DPP10: variants seen among roughly 807,000 people sequenced by gnomAD.
DPP10 encodes dipeptidyl peptidase like 10.
Under a neutral mutation model 120.9 loss-of-function variants are expected in DPP10, and 33 were observed. That is an observed-to-expected ratio of 0.27 (90% CI 0.21 to 0.37). DPP10 has a LOEUF of 0.37. Among genes scored for constraint, DPP10 ranks in the 10% least tolerant of loss-of-function variants. The pLI is 1.00. For synonymous variants in DPP10, 337 were observed against 326.1 expected, an observed-to-expected ratio of 1.03 and a Z score of -0.36; for missense variants, 816 against 942.8, an observed-to-expected ratio of 0.87 and a Z score of 1.76.
rs147725614 is a variant in DPP10, at chr2:114,968,031, C to G, written c.61-341208C>G. ...CTTACTGCATATAACATACAAAAATCTCTGTCCATACAGCCACCCAAGGGA... is the reference window on the plus strand; with the variant it reads ...CTTACTGCATATAACATACAAAAATGTCTGTCCATACAGCCACCCAAGGGA... On this transcript the variant is annotated intron_variant, in intron 1 of 25. Transcript: ENST00000410059. Among the ~76,000 whole-genome samples the G allele has an allele frequency of 3.9e-5, 6 of 152,302 alleles. No individual in the cohort carries two copies. In the East Asian group the frequency reaches 1.2e-3, roughly 29 times the overall value.
At chr2:115,053,655 T>C (rs1447439329) in intron 1 of DPP10, among the ~76,000 whole-genome samples, 1 of 152,226 alleles carries the variant, frequency 6.6e-6, no homozygotes. Flanking sequence ...AAATTTCCAA[T>C]ACAAGTTTTC....
At chr2:115,604,037 G>T (rs2083534277) in intron 5 of DPP10, among the ~76,000 whole-genome samples, 1 of 151,430 alleles carries the variant, frequency 6.6e-6, no homozygotes. Flanking sequence ...GAAGAAAAAT[G>T]ATAGGGATAT....
At chr2:114,847,166 GCCT>G (rs1407364061) in intron 1 of DPP10, among the ~76,000 whole-genome samples, 2 of 152,036 alleles carry the variant, frequency 1.3e-5, no homozygotes, top group Admixed American at 6.6e-5. Context: ...GAGCCACATT[GCCT>G]GGGTCAGTAT....
chr2:115,390,563 T>C (rs1192906640), intron 3 of DPP10, among the ~76,000 whole-genome samples: 2 of 152,166 alleles, frequency 1.3e-5, no homozygotes, highest in Non-Finnish European at 2.9e-5. Flanking sequence ...TAAATGATTT[T>C]TATTTTTCTA....
chr2:114,498,506 T>C (rs1307285431), intron 1 of DPP10, among the ~76,000 whole-genome samples: 1 of 152,132 alleles, frequency 6.6e-6, no homozygotes, highest in Non-Finnish European at 1.5e-5. Context: ...ACGTAATTTA[T>C]AGAGAAAAGA....
At position 115,178,299 on chromosome 2, in the gene DPP10, A is replaced by G. The variant is rs909228947; in HGVS notation, c.61-130940A>G. On this transcript the variant is annotated intron_variant, in intron 1 of 25. Transcript: ENST00000410059. ...ACTGTCTACCGGAGTAGACAAGGGC[A>G]TGGACTCTAGGGGCAGACAATCCAG... 4.6e-5 allele frequency among the ~76,000 whole-genome samples: 7 copies of G among 152,180 alleles called. No homozygotes were observed. The East Asian group carries it at 1.3e-3, about 29-fold the overall frequency.
At chr2:115,385,108 C>T (rs1378863837) in intron 3 of DPP10, among the ~76,000 whole-genome samples, 1 of 152,210 alleles carries the variant, frequency 6.6e-6, no homozygotes, top group African/African-American at 2.4e-5. Context: ...AATTAAACCT[C>T]TTGTTCTCCC....
At chr2:115,257,125 A>G (rs68044608) in intron 1 of DPP10, among the ~76,000 whole-genome samples, 28,725 of 152,048 alleles carry the variant, frequency 0.19, 3,031 homozygotes, top group East Asian at 0.36. Flanking sequence ...CCATTTAACC[A>G]GTCTCTAAGA....
At chr2:115,065,015 C>T (rs1174305132) in intron 1 of DPP10, among the ~76,000 whole-genome samples, 1 of 152,028 alleles carries the variant, frequency 6.6e-6, no homozygotes, top group Non-Finnish European at 1.5e-5. Flanking sequence ...GAATTATTAT[C>T]CATTTAGAAA....
chr2:114,760,059 A>G (rs1680142032), intron 1 of DPP10, among the ~76,000 whole-genome samples: 2 of 152,188 alleles, frequency 1.3e-5, no homozygotes, highest in African/African-American at 4.8e-5. Flanking sequence ...CTGAGCTATC[A>G]TATCTCTTCC....
At chr2:115,234,824 A>C (rs2057916315) in intron 1 of DPP10, among the ~76,000 whole-genome samples, 1 of 152,186 alleles carries the variant, frequency 6.6e-6, no homozygotes, top group Admixed American at 6.5e-5. Flanking sequence ...ACGCATGCTT[A>C]TACTTTAGTA....
At chr2:114,504,474 C>T (rs1034314745) in intron 1 of DPP10, among the ~76,000 whole-genome samples, 8 of 152,094 alleles carry the variant, frequency 5.3e-5, no homozygotes, top group Non-Finnish European at 1.2e-4. Flanking sequence ...AGCCCTTCTC[C>T]TCACCCTCTA....
chr2:114,757,086 G>A (rs1215438645), intron 1 of DPP10, among the ~76,000 whole-genome samples: 1 of 150,250 alleles, frequency 6.7e-6, no homozygotes, highest in Non-Finnish European at 1.5e-5. Flanking sequence ...AAGGAGGAGA[G>A]GGAGTAAAGG....
chr2:114,471,808 T>C (rs570742587), intron 1 of DPP10, among the ~76,000 whole-genome samples: 1 of 152,278 alleles, frequency 6.6e-6, no homozygotes, highest in East Asian at 1.9e-4. Flanking sequence ...GGAAGGCTGA[T>C]AAACTGAAGG....
chr2:115,832,425 G>A (rs899403641), intron 21 of DPP10, among the ~76,000 whole-genome samples: 2 of 152,188 alleles, frequency 1.3e-5, no homozygotes, highest in African/African-American at 2.4e-5. Flanking sequence ...GGGAGGCAGC[G>A]GTTGCGATGA....
chr2:114,794,521 G>A (rs1683528126), intron 1 of DPP10, among the ~76,000 whole-genome samples: 1 of 152,138 alleles, frequency 6.6e-6, no homozygotes, highest in Admixed American at 6.5e-5. Context: ...AGACATTTTG[G>A]GGGTGACGTT....
At chr2:115,580,726 C>T (rs189180933) in intron 5 of DPP10, among the ~76,000 whole-genome samples, 1 of 152,130 alleles carries the variant, frequency 6.6e-6, no homozygotes, top group Non-Finnish European at 1.5e-5. Context: ...TGAATCCTTC[C>T]TTTTCCATAT....
chr2:115,813,848 A>G (rs1164890110), intron 19 of DPP10, among the ~76,000 whole-genome samples: 5 of 152,174 alleles, frequency 3.3e-5, no homozygotes, highest in South Asian at 2.1e-4. Flanking sequence ...TACCTTGAAG[A>G]GTGAGTAGGC....
At chr2:114,988,954 A>C (rs1238948468) in intron 1 of DPP10, among the ~76,000 whole-genome samples, 1 of 152,204 alleles carries the variant, frequency 6.6e-6, no homozygotes, top group Non-Finnish European at 1.5e-5. Context: ...ATTAAAAAAA[A>C]AAGGTATGGG....
Sources: allele counts gnomAD v4.1 joint callset (sites outside exome capture counted in the v4.1 genomes callset), GRCh38; gene constraint gnomAD v4.1.1; transcripts MANE v1.5; gene names NCBI Gene and HGNC (gene_info 2026-07-23, HGNC 2026-07-21).